Variants in GPALPP1 observed in about 807,000 individuals in gnomAD.
GPALPP1 encodes GPALPP motifs-containing protein 1.
GPALPP1 carries 30 observed loss-of-function variants against 38.9 expected under a neutral mutation model. The observed-to-expected ratio is 0.77, with a 90% confidence interval of 0.58 to 1.05. The LOEUF is 1.05. GPALPP1 is among the 50% of genes least tolerant of loss of function. The pLI, the probability that GPALPP1 is intolerant of heterozygous loss-of-function variation, is 0.00. For synonymous variants in GPALPP1, 120 were observed against 139.2 expected (o/e 0.86, Z 0.97); for missense variants, 384 against 408.8 (o/e 0.94, Z 0.52).
At chr13:45,019,376 G>C (rs1875219639) in intron 6 of GPALPP1, among the ~76,000 whole-genome samples, 1 of 151,642 alleles carries the variant, frequency 6.6e-6, no homozygotes, top group Non-Finnish European at 1.5e-5. Flanking sequence ...TCGAACTCCT[G>C]AGCTCAGGCA....
At chr13:45,012,499 A>T (rs1276412011) in intron 4 of GPALPP1, among the ~76,000 whole-genome samples, 1 of 152,156 alleles carries the variant, frequency 6.6e-6, no homozygotes, top group African/African-American at 2.4e-5. Flanking sequence ...TAGGTTCAAA[A>T]TTTTTCAAAA....
chr13:45,011,361 A>G (rs1874463582), intron 4 of GPALPP1, among the ~76,000 whole-genome samples: 1 of 152,190 alleles, frequency 6.6e-6, no homozygotes, highest in Admixed American at 6.5e-5. Flanking sequence ...GTATTAGTCC[A>G]TTTTCACACT....
At chr13:45,001,308 G>A (rs939163336) in intron 1 of GPALPP1, among the ~76,000 whole-genome samples, 4 of 152,130 alleles carry the variant, frequency 2.6e-5, no homozygotes, top group Non-Finnish European at 5.9e-5. Flanking sequence ...ATGCTGAACT[G>A]TGGCTCAATT....
chr13:44,997,085 A>G (rs1419739438), intron 1 of GPALPP1, among the ~76,000 whole-genome samples: 3 of 146,368 alleles, frequency 2.0e-5, no homozygotes, highest in Admixed American at 6.8e-5. Context: ...ATCATACAGT[A>G]TTTGTCTTTT....
chr13:45,018,384 G>C (rs1420634555), intron 6 of GPALPP1, among the ~76,000 whole-genome samples: 1 of 148,334 alleles, frequency 6.7e-6, no homozygotes, highest in East Asian at 2.0e-4. Flanking sequence ...GTAACAGAGC[G>C]AGACTCTGTC....
intron 2 of GPALPP1, 28 bp downstream of exon 2, chr13:45,004,465 A>T: frequency 6.4e-7 from 1 of 1,558,024 alleles, no homozygotes; most frequent in Non-Finnish European, 8.8e-7. Flanking sequence ...ATTAAATGAT[A>T]GACCAAACTT....
chr13:45,032,551 G>A (rs937808958), downstream of GPALPP1, among the ~76,000 whole-genome samples: 2 of 151,342 alleles, frequency 1.3e-5, no homozygotes, highest in Admixed American at 1.3e-4. Context: ...GACTACAGGC[G>A]CCCACCACCG....
At chr13:45,031,195 A>C (rs1358206098), downstream of GPALPP1, 1 of 152,168 alleles carries the variant, frequency 6.6e-6, no homozygotes, top group East Asian at 1.9e-4. Flanking sequence ...TTTTTCTCCT[A>C]AGCAAATTGA....
chr13:45,028,136 T>A lies in GPALPP1; in HGVS notation c.*133T>A. 1 of 451,014 alleles carries A rather than the reference T, an allele frequency of 2.2e-6. No individual in the cohort carries two copies. The highest frequency in any genetic ancestry group is 3.8e-6 in the Non-Finnish European group (1 of 259,810). The allele number at this position is 451,014 out of a possible 1,614,324, so 27.9% of individuals were successfully genotyped here. ...ATTAAAAATTTTATATTTTTATAAG[T>A]AAACAGTGATTTTTGAAAAGTCAGC... On this transcript the variant is annotated 3_prime_UTR_variant, in exon 8 of 8. Coordinates refer to ENST00000379151, the MANE Select transcript of GPALPP1 (RefSeq NM_018559.5).
At chr13:44,994,206 A>C (rs971515631) in intron 1 of GPALPP1, among the ~76,000 whole-genome samples, 5 of 136,532 alleles carry the variant, frequency 3.7e-5, no homozygotes, top group African/African-American at 1.5e-4. Flanking sequence ...TGATAAAGTG[A>C]GACCCTGTCT....
At position 45,006,271 on chromosome 13, in the gene GPALPP1, T is replaced by C; in HGVS notation, c.291T>C (p.Pro97=). 1 of 1,605,570 alleles carries C rather than the reference T, an allele frequency of 6.2e-7. No individual in the cohort carries two copies. The highest frequency in any genetic ancestry group is 8.5e-7 in the Non-Finnish European group (1 of 1,173,300). Residue 97 remains proline (P), a synonymous_variant, in exon 3 of 8, where the codon CCT becomes CCC. Transcript: ENST00000379151. The part of the protein sequence containing the change: ...DDGFFGPALP[P]GFKKQDDSPP... The stretch of plus-strand genomic sequence containing the variant: ...GGTTTTTTGGACCAGCCCTTCCTCC[T>C]GGATTTAAAAAGCAGGATGATTCTC...
intron 2 of GPALPP1, 138 bp downstream of exon 2, chr13:45,004,575 C>T (rs534446245): frequency 6.7e-6 from 4 of 594,062 alleles, no homozygotes; most frequent in South Asian, 6.5e-5. Context: ...GGCATTTCAT[C>T]CTGAATTATA....
chr13:45,032,481 C>T (rs556307224), downstream of GPALPP1, among the ~76,000 whole-genome samples: 6 of 152,048 alleles, frequency 3.9e-5, no homozygotes, highest in African/African-American at 1.4e-4. Context: ...TCTCGGCTCA[C>T]TGCAACCTCC....
In GPALPP1 at chr13:45,007,478, A is replaced by G. The variant is rs555421126; in HGVS notation, c.323+1175A>G. Among the ~76,000 whole-genome samples, 23 of 152,342 alleles carry G rather than the reference A, an allele frequency of 1.5e-4. No homozygotes were observed. In the South Asian group the frequency reaches 4.8e-3, roughly 32 times the overall value. On this transcript the variant is annotated intron_variant, in intron 3 of 7. Coordinates refer to ENST00000379151, the MANE Select transcript of GPALPP1 (RefSeq NM_018559.5). ...TCCCCTGAGGCCAGAAAGTTAAGCT[A>G]TAATTGCATTTGTAGATTGCTAAAA... is the stretch of plus-strand genomic sequence containing the variant.
chr13:45,004,216 T>C (rs1436648159), intron 1 of GPALPP1, 89 bp from the exon 2 acceptor site: 2 of 1,025,002 alleles, frequency 2.0e-6, no homozygotes, highest in African/African-American at 3.2e-5. Context: ...CAGTGCTGTT[T>C]ATTTCAGAAA....
intron 7 of GPALPP1, among the ~76,000 whole-genome samples, chr13:45,026,219 CT>C (rs1281058879): frequency 6.6e-6 from 1 of 151,964 alleles, no homozygotes; most frequent in African/African-American, 2.4e-5. Flanking sequence ...TTAAGAAGTA[CT>C]TTGCTTAACC....
At chr13:45,004,159 C>G (rs1210654635) in intron 1 of GPALPP1, 146 bp from the exon 2 acceptor site, 4 of 644,746 alleles carry the variant, frequency 6.2e-6, no homozygotes, top group Non-Finnish European at 1.1e-5. Flanking sequence ...CCACTGTACA[C>G]AAACAACAGC....
chr13:45,016,337 C>T (rs1267478135), intron 6 of GPALPP1, among the ~76,000 whole-genome samples: 2 of 151,924 alleles, frequency 1.3e-5, no homozygotes, highest in Non-Finnish European at 2.9e-5. Context: ...GCCTATAATC[C>T]CAGCTACTTG....
chr13:44,993,461 A>G (rs2137945839), intron 1 of GPALPP1, among the ~76,000 whole-genome samples: 1 of 152,180 alleles, frequency 6.6e-6, no homozygotes, highest in Non-Finnish European at 1.5e-5. Flanking sequence ...ACATGGTGAA[A>G]CCTCGTCTTT....
Sources: allele counts gnomAD v4.1 joint callset (sites outside exome capture counted in the v4.1 genomes callset), GRCh38; gene constraint gnomAD v4.1.1; transcripts MANE v1.5; gene names NCBI Gene and HGNC (gene_info 2026-07-23, HGNC 2026-07-21).